ASTN2: variants seen among roughly 807,000 people sequenced by gnomAD.
ASTN2 encodes astrotactin-2.
In ASTN2, 54 loss-of-function variants were observed where a neutral mutation model predicts 139.8. The observed-to-expected ratio is 0.39, with a 90% CI of 0.31 to 0.48. ASTN2 has a LOEUF of 0.48. ASTN2 is among the 20% of genes least tolerant of loss of function. The probability of loss-of-function intolerance (pLI) is 0.95; values close to 1 mark genes in which losing one functional copy is unlikely to be tolerated. For synonymous variants in ASTN2, 756 were observed against 719.5 expected (o/e 1.05, Z -0.81); for missense variants, 1,565 against 1,725.1 (o/e 0.91, Z 1.64).
chr9:116,866,726 C>A (rs560286025), intron 10 of ASTN2, among the ~76,000 whole-genome samples: 1 of 151,766 alleles, frequency 6.6e-6, no homozygotes, highest in East Asian at 1.9e-4. Flanking sequence ...GGTGAAACCT[C>A]GTCTCTACTA....
chr9:116,867,192 CAG>C (rs1833033445), intron 10 of ASTN2, among the ~76,000 whole-genome samples: 1 of 151,778 alleles, frequency 6.6e-6, no homozygotes, highest in Non-Finnish European at 1.5e-5. Context: ...AAGAGAGAAA[CAG>C]AGGCATAAGA....
At chr9:116,520,573 TC>T (rs987526873) in intron 19 of ASTN2, among the ~76,000 whole-genome samples, 3 of 152,024 alleles carry the variant, frequency 2.0e-5, no homozygotes, top group Non-Finnish European at 4.4e-5. Flanking sequence ...TTGAAAGCAT[TC>T]CCCCTAAGAA....
chr9:116,514,205 G>A (rs1850535639), intron 19 of ASTN2, among the ~76,000 whole-genome samples: 1 of 150,328 alleles, frequency 6.7e-6, no homozygotes, highest in South Asian at 2.1e-4. Context: ...CTGTTTGTTA[G>A]TTTTCCTTCT....
At chr9:116,451,632 G>T (rs548689992) in intron 20 of ASTN2, among the ~76,000 whole-genome samples, 18 of 152,252 alleles carry the variant, frequency 1.2e-4, no homozygotes, top group African/African-American at 3.9e-4. Context: ...CTAAGCCTTA[G>T]ATATGAGTTT....
intron 4 of ASTN2, among the ~76,000 whole-genome samples, chr9:117,127,672 G>GTTTTTTTTTTTTTTTTTTTTT (rs11427891): frequency 1.3e-4 from 9 of 70,890 alleles, no homozygotes; most frequent in Non-Finnish European, 2.0e-4. Flanking sequence ...TTTTGTTTTG[G>GTTTTTTTTTTTTTTTTTTTTT]TTTTTTTTTT....
chr9:116,959,987 A>G (rs1462940457), intron 10 of ASTN2, among the ~76,000 whole-genome samples: 1 of 152,060 alleles, frequency 6.6e-6, no homozygotes, highest in South Asian at 2.1e-4. Context: ...CGATGGGGCC[A>G]TAAGTCATGT....
chr9:116,620,172 A>G, intron 18 of ASTN2, 138 bp downstream of exon 18: 1 of 1,210,574 alleles, frequency 8.3e-7, no homozygotes, highest in Non-Finnish European at 1.2e-6. Flanking sequence ...TTCCTAAAAA[A>G]GGAGGTAGAT....
intron 19 of ASTN2, among the ~76,000 whole-genome samples, chr9:116,516,336 G>A (rs1850647562): frequency 1.3e-5 from 2 of 152,176 alleles, no homozygotes. Context: ...CAGCTAACAT[G>A]TTTGAGAGAT....
intron 3 of ASTN2, among the ~76,000 whole-genome samples, chr9:117,147,926 T>C (rs1830239491): frequency 6.6e-6 from 1 of 152,174 alleles, no homozygotes; most frequent in Non-Finnish European, 1.5e-5. Flanking sequence ...GTGACATTTC[T>C]GGGCCTGGAT....
chr9:117,161,832 T>C (rs1588029913), intron 3 of ASTN2, among the ~76,000 whole-genome samples: 1 of 151,414 alleles, frequency 6.6e-6, no homozygotes, highest in African/African-American at 2.4e-5. Flanking sequence ...CAGTTACAAC[T>C]GTCCAAACAA....
intron 2 of ASTN2, among the ~76,000 whole-genome samples, chr9:117,280,029 C>T (rs1834288294): frequency 6.6e-6 from 1 of 152,132 alleles, no homozygotes; most frequent in South Asian, 2.1e-4. Context: ...GTTGTCATAT[C>T]TCCCTAGTTT....
intron 3 of ASTN2, among the ~76,000 whole-genome samples, chr9:117,142,180 T>C (rs1288072495): frequency 6.6e-6 from 1 of 152,226 alleles, no homozygotes; most frequent in Non-Finnish European, 1.5e-5. Context: ...AGGCCACATT[T>C]AGGAGTATAA....
intron 16 of ASTN2, among the ~76,000 whole-genome samples, chr9:116,667,359 A>T (rs1331237255): frequency 6.6e-6 from 1 of 152,018 alleles, no homozygotes; most frequent in Admixed American, 6.6e-5. Context: ...AGCTTATGTT[A>T]AAAAAAACTA....
At chr9:116,997,663 C>T (rs56696472) in intron 7 of ASTN2, among the ~76,000 whole-genome samples, 1,956 of 152,240 alleles carry the variant, frequency 0.013, 94 homozygotes, top group East Asian at 0.095. Context: ...AGCAGTAATA[C>T]TTAGTAAATA....
At chr9:117,218,979 G>A (rs1171519384) in intron 2 of ASTN2, among the ~76,000 whole-genome samples, 1 of 152,206 alleles carries the variant, frequency 6.6e-6, no homozygotes, top group African/African-American at 2.4e-5. Context: ...ACCAGTGATA[G>A]GAGAAAATCT....
rs184706813 is a variant in ASTN2 at position 116,536,990 on chromosome 9, G to A, written c.3356-49490C>T. Among the ~76,000 whole-genome samples, 8 of 152,346 alleles carry A rather than the reference G, an allele frequency of 5.3e-5. No individual in the cohort carries two copies. In the East Asian group the frequency reaches 1.5e-3, roughly 29 times the overall value. ...AGAGGCAGGCAGGCCTCCTTGAGCT[G>A]TGGTGGGCTCCACCCCTTTTGAGCT... On this transcript the variant is annotated intron_variant, in intron 19 of 22. Transcript: ENST00000313400.
intron 1 of ASTN2, among the ~76,000 whole-genome samples, chr9:117,341,614 G>T (rs1829062942): frequency 6.6e-6 from 1 of 152,104 alleles, no homozygotes; most frequent in South Asian, 2.1e-4. Context: ...GTCTTTTTAT[G>T]GGCCTTTTGC....
chr9:116,528,111 G>C (rs578086197), intron 19 of ASTN2, among the ~76,000 whole-genome samples: 1 of 152,286 alleles, frequency 6.6e-6, no homozygotes, highest in Admixed American at 6.5e-5. Context: ...CAGTTTTGAG[G>C]GCTCAGAAGA....
chr9:117,377,418 G>A (rs1005079847), intron 1 of ASTN2, among the ~76,000 whole-genome samples: 3 of 152,320 alleles, frequency 2.0e-5, no homozygotes, highest in East Asian at 1.9e-4. Flanking sequence ...ATTGCTAATG[G>A]CTTGCAGAGG....
Sources: gnomAD v4.1 joint callset for allele counts (sites outside exome capture counted in the v4.1 genomes callset) on GRCh38, gnomAD v4.1.1 for gene constraint, MANE v1.5 for transcripts, NCBI Gene and HGNC (gene_info 2026-07-23, HGNC 2026-07-21) for gene names.